The following IMPACT variants were observed in gnomAD, a reference collection of about 807,000 sequenced individuals.
IMPACT encodes the protein protein IMPACT.
Under a neutral mutation model 47.5 loss-of-function variants are expected in IMPACT, and 35 were observed. The ratio of observed to expected loss-of-function variants is 0.74; its 90% CI spans 0.56 to 0.98. The LOEUF (loss-of-function observed/expected upper bound fraction) is 0.98, where lower values mean the gene tolerates loss of function less well. Among genes scored for constraint, IMPACT ranks in the 50% least tolerant of loss-of-function variants. IMPACT has a pLI of 0.00. For synonymous variants in IMPACT, 118 were observed against 125.6 expected, an observed-to-expected ratio of 0.94 and a Z score of 0.40; for missense variants, 373 against 394.8, an observed-to-expected ratio of 0.94 and a Z score of 0.47.
chr18:24,443,904 T>C lies in IMPACT; in HGVS notation c.594+752T>C, dbSNP rs140550783. ...TTATTGATGTACGAGGCAATTTCAA[T>C]ACTACCTGTAAAGTTACATTTTTAA... On this transcript the variant is annotated intron_variant, in intron 7 of 10. Transcript: ENST00000284202. Among the ~76,000 whole-genome samples the C allele has an allele frequency of 2.0e-5, 3 of 152,358 alleles. No individual in the cohort carries two copies. The East Asian group carries it at 5.8e-4, about 29-fold the overall frequency.
At chr18:24,438,079 T>G (rs761102492) in intron 5 of IMPACT, 39 bp downstream of exon 5, 1 of 891,914 alleles carries the variant, frequency 1.1e-6, no homozygotes, top group Admixed American at 2.4e-5. Flanking sequence ...TTTTAACTTA[T>G]AATAACTACA....
chr18:24,433,085 A>G (rs1363492426), intron 4 of IMPACT, among the ~76,000 whole-genome samples: 3 of 148,094 alleles, frequency 2.0e-5, no homozygotes, highest in African/African-American at 7.4e-5. Context: ...ATGGTGGAAT[A>G]TGGGGTCTTG....
At chr18:24,447,003 T>A (rs977284403) in intron 8 of IMPACT, among the ~76,000 whole-genome samples, 1 of 152,242 alleles carries the variant, frequency 6.6e-6, no homozygotes, top group African/African-American at 2.4e-5. Flanking sequence ...TAATCCAATT[T>A]CATTTGTTTT....
At chr18:24,438,509 C>A (rs536067016) in intron 5 of IMPACT, among the ~76,000 whole-genome samples, 3 of 152,146 alleles carry the variant, frequency 2.0e-5, no homozygotes, top group East Asian at 1.9e-4. Flanking sequence ...TGACTTATAA[C>A]CTTGACACTT....
intron 3 of IMPACT, among the ~76,000 whole-genome samples, 156 bp from the exon 4 acceptor site, chr18:24,430,156 TAATGCTAATG>T (rs936663839): frequency 1.1e-4 from 16 of 152,328 alleles, no homozygotes; most frequent in Admixed American, 7.2e-4. Flanking sequence ...CTGAATGAAT[TAATGCTAATG>T]AAAGCATTTT....
intron 4 of IMPACT, among the ~76,000 whole-genome samples, chr18:24,434,943 G>A (rs556651825): frequency 6.7e-6 from 1 of 149,002 alleles, no homozygotes; most frequent in Non-Finnish European, 1.5e-5. Flanking sequence ...AGGATTTGGT[G>A]ATTAATTAGA....
rs536847718 is a variant in IMPACT, at chr18:24,445,172, A to T, written c.595-221A>T. Among the ~76,000 whole-genome samples, 26 of 152,362 alleles carry T rather than the reference A, an allele frequency of 1.7e-4. No individual in the cohort carries two copies. In the South Asian group the frequency reaches 5.2e-3, roughly 30 times the overall value. Reference sequence around the variant, plus strand: ...AGTACCGAAATATTTGTTGATAATTAGTGCTCAAAAATACCAGGTCTGTCA... The same window carrying T: ...AGTACCGAAATATTTGTTGATAATTTGTGCTCAAAAATACCAGGTCTGTCA... On this transcript the variant is annotated intron_variant, in intron 7 of 10. Coordinates refer to ENST00000284202, the MANE Select transcript of IMPACT (RefSeq NM_018439.4).
At chr18:24,436,225 T>G (rs751267251) in intron 4 of IMPACT, among the ~76,000 whole-genome samples, 1 of 152,146 alleles carries the variant, frequency 6.6e-6, no homozygotes, top group Non-Finnish European at 1.5e-5. Context: ...CAGCTATCAT[T>G]TTTTTGTTCT....
At chr18:24,432,668 A>G (rs916285513) in intron 4 of IMPACT, among the ~76,000 whole-genome samples, 7 of 151,570 alleles carry the variant, frequency 4.6e-5, no homozygotes, top group Admixed American at 2.0e-4. Context: ...ACTTCTTTCT[A>G]TAATCCTCTC....
intron 6 of IMPACT, 109 bp downstream of exon 6, chr18:24,440,727 A>T (rs772453245): frequency 3.8e-4 from 412 of 1,078,564 alleles, no homozygotes; most frequent in Non-Finnish European, 4.9e-4. Flanking sequence ...TTTAGGAAGG[A>T]GTTATTAATT....
At chr18:24,441,433 C>T (rs146035287) in intron 6 of IMPACT, among the ~76,000 whole-genome samples, 3 of 152,340 alleles carry the variant, frequency 2.0e-5, no homozygotes, top group East Asian at 1.9e-4. Context: ...CCCACCTCAT[C>T]CTCCCAGAGT....
intron 9 of IMPACT, 93 bp from the exon 10 acceptor site, chr18:24,449,726 A>G: frequency 4.2e-6 from 5 of 1,202,518 alleles, no homozygotes; most frequent in African/African-American, 1.5e-5. Flanking sequence ...TTTATGTGCA[A>G]TTTTATACAT....
intron 8 of IMPACT, among the ~76,000 whole-genome samples, chr18:24,446,686 T>TTA (rs1289551812): frequency 2.0e-5 from 3 of 152,176 alleles, no homozygotes. Flanking sequence ...TCACATCTCT[T>TTA]TAAGTGCCAA....
At chr18:24,439,844 G>A (rs1022369543) in intron 5 of IMPACT, among the ~76,000 whole-genome samples, 5 of 151,990 alleles carry the variant, frequency 3.3e-5, no homozygotes, top group African/African-American at 1.2e-4. Context: ...GGGTACTGTG[G>A]CCTAGACAAG....
Position 24,453,336 on chromosome 18 carries a change from A to G in IMPACT, c.*2489A>G, listed in dbSNP as rs531863125. ...ATCCCTCTGATTCCACTATCCAGAG[A>G]TAGCCATTATTATTAATATTTGGTA... On this transcript the variant is annotated 3_prime_UTR_variant, in exon 11 of 11. Coordinates refer to ENST00000284202, the MANE Select transcript of IMPACT (RefSeq NM_018439.4). 6.6e-6 allele frequency: 1 copy of G among 152,302 alleles called. No homozygotes were observed. Among genetic ancestry groups the G allele is most frequent in the African/African-American group, 2.4e-5 (1 of 41,558 alleles). The allele number at this position is 152,302 out of a possible 1,614,324, so 9.4% of individuals were successfully genotyped here.
rs1169785433 is a variant in IMPACT, at chr18:24,449,924, C to G, written c.865C>G (p.Leu289Val). 1.2e-6 allele frequency: 2 copies of G among 1,613,990 alleles called. No homozygotes were observed. Among genetic ancestry groups the G allele is most frequent in the Admixed American group, 3.3e-5 (2 of 59,998 alleles). The part of the protein sequence containing the change: ...KHINNCARNI[L>V]VEKNYTNSPE... ...TATCAACAACTGTGCCAGAAACATA[C>G]TAGTGGAAAAGAACTACACAAATTC... Residue 289 changes from leucine (L) to valine (V), a missense_variant, in exon 10 of 11, where the codon CTA becomes GTA. Coordinates refer to ENST00000284202, the MANE Select transcript of IMPACT (RefSeq NM_018439.4).
chr18:24,449,577 G>A (rs1472538968), intron 9 of IMPACT, among the ~76,000 whole-genome samples: 1 of 152,044 alleles, frequency 6.6e-6, no homozygotes, highest in African/African-American at 2.4e-5. Flanking sequence ...CCCAAATCTG[G>A]GAGTTTGAGG....
chr18:24,430,573 C>T (rs1908726675), intron 4 of IMPACT, among the ~76,000 whole-genome samples, 189 bp downstream of exon 4: 1 of 152,054 alleles, frequency 6.6e-6, no homozygotes, highest in African/African-American at 2.4e-5. Flanking sequence ...TTGATAGCTT[C>T]TACTTAGATA....
chr18:24,428,205 C>T (rs1014592469), intron 2 of IMPACT, among the ~76,000 whole-genome samples, 158 bp downstream of exon 2: 4 of 152,228 alleles, frequency 2.6e-5, no homozygotes, highest in Non-Finnish European at 5.9e-5. Flanking sequence ...AGATCACTTT[C>T]AAATCATACA....
Sources: gnomAD v4.1 joint callset for allele counts (sites outside exome capture counted in the v4.1 genomes callset) on GRCh38, gnomAD v4.1.1 for gene constraint, MANE v1.5 for transcripts, NCBI Gene and HGNC (gene_info 2026-07-23, HGNC 2026-07-21) for gene names.